Variants in CFAP77 observed in about 807,000 individuals in gnomAD.
CFAP77 encodes the protein cilia and flagella associated protein 77.
A neutral mutation model predicts 31.1 loss-of-function variants in CFAP77; 25 were observed. The observed-to-expected ratio is 0.80, with a 90% CI of 0.59 to 1.12. CFAP77 has a LOEUF of 1.12. Ranked by LOEUF, CFAP77 falls within the 50% of genes most tolerant of loss-of-function variation. The probability of loss-of-function intolerance (pLI) is 0.00; values close to 1 mark genes in which losing one functional copy is unlikely to be tolerated. For synonymous variants in CFAP77, 151 were observed against 159.9 expected (o/e 0.94, Z 0.42); for missense variants, 377 against 397.3 (o/e 0.95, Z 0.44).
intron 1 of CFAP77, among the ~76,000 whole-genome samples, chr9:132,487,182 T>C (rs1851576471): frequency 6.6e-6 from 1 of 152,162 alleles, no homozygotes; most frequent in African/African-American, 2.4e-5. Context: ...CCAGGTACCA[T>C]GAAACACTCT....
chr9:132,458,356 G>GT lies in CFAP77; in HGVS notation c.196-40339_196-40338insT, dbSNP rs1564211052. 1.7e-4 allele frequency among the ~76,000 whole-genome samples: 23 copies of GT among 135,856 alleles called. 1 individual carries two copies. The highest frequency in any genetic ancestry group is 4.4e-4 in the Admixed American group (6 of 13,778). The allele number at this position is 135,856 out of a possible 152,430, so 89.1% of individuals were successfully genotyped here. A position where few individuals can be genotyped will look rare whatever the true frequency, so the allele number is the denominator to read the frequency against. On this transcript the variant is annotated intron_variant, in intron 1 of 5. Transcript: ENST00000393216. ...TGTCTCCCTGGCGGGGGAGGGGGGG[G>GT]GGTGTGTATGGAAGGCTCAGCTCAT...
At chr9:132,421,439 A>C (rs1461734253) in intron 1 of CFAP77, among the ~76,000 whole-genome samples, 3 of 152,186 alleles carry the variant, frequency 2.0e-5, no homozygotes, top group Non-Finnish European at 2.9e-5. Flanking sequence ...ATTACAAATA[A>C]TTTTGAAAAT....
rs941991815 is a variant in CFAP77 at position 132,564,257 on chromosome 9, C to T, written c.733-8131C>T. On this transcript the variant is annotated intron_variant, in intron 5 of 5. Transcript: ENST00000393216. This position sits in a 1 kb window ranked among gnomAD's most constrained non-coding sequence, Gnocchi z 4.6. ...GCCACATCTTAGCCTCAACCCAGGTCCCATGGACATCTTCTCTAGGATAGC... is the reference window on the plus strand; with the variant it reads ...GCCACATCTTAGCCTCAACCCAGGTTCCATGGACATCTTCTCTAGGATAGC... Among the ~76,000 whole-genome samples the T allele has an allele frequency of 1.3e-5, 2 of 152,296 alleles. No individual in the cohort carries two copies. Among genetic ancestry groups the T allele is most frequent in the African/African-American group, 4.8e-5 (2 of 41,564 alleles).
intron 1 of CFAP77, among the ~76,000 whole-genome samples, chr9:132,459,734 A>AG (rs1564211802): frequency 2.9e-5 from 4 of 136,280 alleles, no homozygotes; most frequent in African/African-American, 1.2e-4. Context: ...GTATGTGTAT[A>AG]TGTGTGTGAG....
rs921984112 is a variant in CFAP77, at chr9:132,537,858, A to G, written c.630+152A>G. On this transcript the variant is annotated intron_variant, in intron 4 of 5. Coordinates refer to ENST00000393216, the MANE Select transcript of CFAP77 (RefSeq NM_001282957.2). ...TGCATCTTCTGCCCAGCATCAGAGA[A>G]TCTACAGCTGAAAGCATCTTGGTGA... The G allele has an allele frequency of 7.9e-6, 5 of 636,576 alleles. No homozygotes were observed. The African/African-American group carries it at 9.1e-5, about 12-fold the overall frequency. 39.4% of individuals were successfully genotyped at this position (636,576 alleles called of 1,614,324 possible).
intron 1 of CFAP77, among the ~76,000 whole-genome samples, chr9:132,484,786 C>A (rs994362780): frequency 1.3e-5 from 2 of 151,142 alleles, no homozygotes; most frequent in Non-Finnish European, 2.9e-5. Flanking sequence ...TTTTCAATTC[C>A]TTTGGTATAT....
In CFAP77 at chr9:132,455,010, CAA is replaced by C. The variant is rs11325678; in HGVS notation, c.196-43677_196-43676del. On this transcript the variant is annotated intron_variant, in intron 1 of 5. Coordinates refer to ENST00000393216, the MANE Select transcript of CFAP77 (RefSeq NM_001282957.2). The surrounding 1 kb of genome is among the most constrained non-coding windows in gnomAD (Gnocchi z 4.1). ...CATCACAAAATGTCATAACATCCTA[CAA>C]AAAAAAAGAAAGAAAAGGCAATAAA... is the stretch of plus-strand genomic sequence containing the variant. Among the ~76,000 whole-genome samples, 2 of 151,350 alleles carry C rather than the reference CAA, an allele frequency of 1.3e-5. No homozygotes were observed. Among genetic ancestry groups the C allele is most frequent in the East Asian group, 1.9e-4 (1 of 5,146 alleles).
At chr9:132,542,900 A>T in intron 4 of CFAP77, 46 bp from the exon 5 acceptor site, 1 of 1,489,424 alleles carries the variant, frequency 6.7e-7, no homozygotes, top group Non-Finnish European at 9.4e-7. Flanking sequence ...GGCCTTCTCC[A>T]AGTAGCCGGG....
intron 3 of CFAP77, among the ~76,000 whole-genome samples, chr9:132,536,920 G>A (rs1190756804): frequency 1.3e-5 from 2 of 152,152 alleles, no homozygotes; most frequent in Non-Finnish European, 2.9e-5. Flanking sequence ...GTTGGGAAGG[G>A]GTGGAGCATA....
At chr9:132,468,475 T>A (rs1387953892) in intron 1 of CFAP77, among the ~76,000 whole-genome samples, 1 of 152,200 alleles carries the variant, frequency 6.6e-6, no homozygotes, top group African/African-American at 2.4e-5. Flanking sequence ...ATGCCCCACC[T>A]GCCAGCCCCT....
In CFAP77 at chr9:132,499,739, G is replaced by T; in HGVS notation, c.524+139G>T. ...CCTCTCTTCAATGACTCTCTCTTGT[G>T]TGACCTCTATAGCCACACCCTGAAT... On this transcript the variant is annotated intron_variant, in intron 3 of 5. Transcript: ENST00000393216. The surrounding 1 kb of genome is among the most constrained non-coding windows in gnomAD (Gnocchi z 5.4). The T allele has an allele frequency of 1.3e-6, 1 of 783,680 alleles. No homozygotes were observed. The highest frequency in any genetic ancestry group is 2.7e-5 in the East Asian group (1 of 37,430). The allele number at this position is 783,680 out of a possible 1,614,324, so 48.5% of individuals were successfully genotyped here.
chr9:132,470,526 G>C (rs1232001476), intron 1 of CFAP77, among the ~76,000 whole-genome samples: 1 of 152,196 alleles, frequency 6.6e-6, no homozygotes, highest in East Asian at 1.9e-4. Context: ...TGGCATGTGT[G>C]GTGCCCCCTG....
chr9:132,423,519 G>T (rs1282875035), intron 1 of CFAP77, among the ~76,000 whole-genome samples: 1 of 152,322 alleles, frequency 6.6e-6, no homozygotes, highest in East Asian at 1.9e-4. Context: ...CCATTTTACA[G>T]ATGGGGAAGC....
chr9:132,425,420 CCTT>C (rs1477297560), intron 1 of CFAP77, among the ~76,000 whole-genome samples: 2 of 152,146 alleles, frequency 1.3e-5, no homozygotes, highest in African/African-American at 4.8e-5. Flanking sequence ...GCTCCCCCCT[CCTT>C]ATCCCCATGC....
At chr9:132,474,779 G>A (rs571741786) in intron 1 of CFAP77, among the ~76,000 whole-genome samples, 227 of 152,310 alleles carry the variant, frequency 1.5e-3, no homozygotes, top group Non-Finnish European at 2.5e-3. Flanking sequence ...AATGCCTGGA[G>A]GAAGTTTTCT....
intron 1 of CFAP77, among the ~76,000 whole-genome samples, chr9:132,465,073 CAA>C (rs773917029): frequency 5.8e-4 from 48 of 82,858 alleles, no homozygotes; most frequent in African/African-American, 1.5e-3. Context: ...GACTCTGTCT[CAA>C]AAAAAAAAAA....
intron 1 of CFAP77, among the ~76,000 whole-genome samples, chr9:132,461,442 GCCTT>G (rs1300453401): frequency 6.6e-6 from 1 of 152,194 alleles, no homozygotes; most frequent in Non-Finnish European, 1.5e-5. Flanking sequence ...TGCTTCAGCG[GCCTT>G]CCTTCTGGCT....
At chr9:132,513,414 C>T in intron 3 of CFAP77, 1 of 1,486,382 alleles carries the variant, frequency 6.7e-7, no homozygotes, top group South Asian at 1.4e-5. Context: ...CAATCTGAGG[C>T]CCCTGTGCAC....
At chr9:132,488,973 A>G (rs931892486) in intron 1 of CFAP77, among the ~76,000 whole-genome samples, 2 of 152,208 alleles carry the variant, frequency 1.3e-5, no homozygotes, top group African/African-American at 4.8e-5. Context: ...CCAGAGCTGT[A>G]TTCCAGCCAA....
Sources: gnomAD v4.1 joint callset for allele counts (sites outside exome capture counted in the v4.1 genomes callset) on GRCh38, gnomAD v4.1.1 for gene constraint, Gnocchi (gnomAD v3.1) non-coding constraint, MANE v1.5 for transcripts, NCBI Gene and HGNC (gene_info 2026-07-23, HGNC 2026-07-21) for gene names.